Variants in FLRT1 observed in about 807,000 individuals in gnomAD.
The protein encoded by FLRT1 is leucine-rich repeat transmembrane protein FLRT1.
A neutral mutation model predicts 30.9 loss-of-function variants in FLRT1; 14 were observed. The ratio of observed to expected loss-of-function variants is 0.45; its 90% CI spans 0.30 to 0.71. FLRT1 has a LOEUF of 0.71. Ranked by LOEUF, FLRT1 falls within the 30% of genes least tolerant of loss-of-function variation. The pLI is 0.08. For synonymous variants in FLRT1, 368 were observed against 430.4 expected (o/e 0.85, Z 1.80); for missense variants, 737 against 949.2 (o/e 0.78, Z 2.94).
chr11:64,076,597 T>C (rs574014449), intron 1 of FLRT1, among the ~76,000 whole-genome samples: 19 of 152,292 alleles, frequency 1.2e-4, no homozygotes, highest in African/African-American at 4.3e-4. Context: ...AACAGCCTTA[T>C]TGGACAGATA....
rs1295348285 is a variant in FLRT1, at chr11:64,096,339, T to C, written c.-1037-6855T>C. On this transcript the variant is annotated intron_variant, in intron 1 of 2. Coordinates refer to ENST00000682287, the MANE Select transcript of FLRT1 (RefSeq NM_013280.5). This position sits in a 1 kb window ranked among gnomAD's most constrained non-coding sequence, Gnocchi z 4.6. ...CGAGCTTCCTCTAGGCTGGACACGG[T>C]CCCTAATGGGCACGGGCGACGCATT... 1.3e-5 allele frequency among the ~76,000 whole-genome samples: 2 copies of C among 151,834 alleles called. No individual in the cohort carries two copies. Among genetic ancestry groups the C allele is most frequent in the Non-Finnish European group, 2.9e-5 (2 of 67,992 alleles).
chr11:64,047,913 AAAG>A (rs1157437252), intron 1 of FLRT1, among the ~76,000 whole-genome samples: 3 of 151,546 alleles, frequency 2.0e-5, no homozygotes, highest in African/African-American at 7.3e-5. Flanking sequence ...AAAAAAAAAA[AAAG>A]GAAGGAAGCA....
chr11:64,076,664 C>T (rs1944207631), intron 1 of FLRT1, among the ~76,000 whole-genome samples: 1 of 152,172 alleles, frequency 6.6e-6, no homozygotes, highest in Non-Finnish European at 1.5e-5. Context: ...GAGACGAAAT[C>T]GCCTAAGAAC....
chr11:64,065,983 A>G (rs1355176018), intron 1 of FLRT1, among the ~76,000 whole-genome samples: 1 of 151,928 alleles, frequency 6.6e-6, no homozygotes, highest in Non-Finnish European at 1.5e-5. Flanking sequence ...GACAAAAAGA[A>G]GCTTGCCAAG....
intron 1 of FLRT1, among the ~76,000 whole-genome samples, chr11:64,098,402 C>T (rs2134548526): frequency 6.6e-6 from 1 of 152,354 alleles, no homozygotes; most frequent in South Asian, 2.1e-4. Flanking sequence ...AAATGTTCTT[C>T]CCGTCCCACT....
At chr11:64,051,322 G>A (rs543180622) in intron 1 of FLRT1, among the ~76,000 whole-genome samples, 23 of 152,304 alleles carry the variant, frequency 1.5e-4, no homozygotes, top group African/African-American at 2.9e-4. Flanking sequence ...CTGCCTTGAC[G>A]GCCCTCTGGG....
chr11:64,066,443 G>A (rs756994675), intron 1 of FLRT1, among the ~76,000 whole-genome samples: 5 of 150,538 alleles, frequency 3.3e-5, no homozygotes, highest in Admixed American at 6.6e-5. Context: ...CAAGAACCCC[G>A]CTATCTCTAC....
intron 1 of FLRT1, among the ~76,000 whole-genome samples, chr11:64,065,663 G>A (rs1354602054): frequency 6.6e-6 from 1 of 151,976 alleles, no homozygotes; most frequent in Non-Finnish European, 1.5e-5. Context: ...GGTGGCGGCC[G>A]CCTGTAGTCC....
chr11:64,074,825 G>A (rs537603297), intron 1 of FLRT1, among the ~76,000 whole-genome samples: 1 of 152,334 alleles, frequency 6.6e-6, no homozygotes, highest in East Asian at 1.9e-4. Flanking sequence ...TTGGGGTGGG[G>A]AAGCCTGTGG....
At chr11:64,069,301 G>A (rs1944062744) in intron 1 of FLRT1, among the ~76,000 whole-genome samples, 3 of 152,216 alleles carry the variant, frequency 2.0e-5, no homozygotes, top group African/African-American at 7.2e-5. Flanking sequence ...TGCCAGGCCT[G>A]GATGAGGCAC....
At position 64,064,635 on chromosome 11, in the gene FLRT1, G is replaced by A. The variant is rs1230162946; in HGVS notation, c.-1038+28476G>A. Among the ~76,000 whole-genome samples, 9 of 151,144 alleles carry A rather than the reference G, an allele frequency of 6.0e-5. No individual in the cohort carries two copies. Reference sequence around the variant, plus strand: ...AATGTATCCTGACAGCATTGGAACAGGATGCAGAGTAGGGGCCTCTGGCAG... The same window carrying A: ...AATGTATCCTGACAGCATTGGAACAAGATGCAGAGTAGGGGCCTCTGGCAG... On this transcript the variant is annotated intron_variant, in intron 1 of 2. Coordinates refer to ENST00000682287, the MANE Select transcript of FLRT1 (RefSeq NM_013280.5). This position sits in a 1 kb window ranked among gnomAD's most constrained non-coding sequence, Gnocchi z 4.5.
chr11:64,048,737 A>G (rs1291729784), intron 1 of FLRT1, among the ~76,000 whole-genome samples: 1 of 152,182 alleles, frequency 6.6e-6, no homozygotes, highest in African/African-American at 2.4e-5. Context: ...CAGGGTTAGG[A>G]AATTCAACCC....
chr11:64,117,075 G>C lies in FLRT1; in HGVS notation c.808G>C (p.Ala270Pro). The C allele has an allele frequency of 6.2e-7, 1 of 1,601,966 alleles. No homozygotes were observed. The highest frequency in any genetic ancestry group is 8.5e-7 in the Non-Finnish European group (1 of 1,174,518). The change falls in exon 3 of 3, where the codon GCC becomes CCC. Residue 270 changes from alanine (A) to proline (P), a missense_variant. Coordinates refer to ENST00000682287, the MANE Select transcript of FLRT1 (RefSeq NM_013280.5). ...CGCGCCACCCCTCAACCTGCCCAGCGCCCACCTGCAGAAGCTCTACCTGCA... is the reference window on the plus strand; with the variant it reads ...CGCGCCACCCCTCAACCTGCCCAGCCCCCACCTGCAGAAGCTCTACCTGCA... The part of the protein sequence containing the change: ...LAAPPLNLPS[A>P]HLQKLYLQDN...
At chr11:64,116,150 T>C in intron 2 of FLRT1, 69 bp from the exon 3 acceptor site, 10 of 1,446,356 alleles carry the variant, frequency 6.9e-6, no homozygotes, top group East Asian at 2.3e-5. Context: ...TGGGAGGGAA[T>C]GCACGATTCA....
At chr11:64,095,189 C>T (rs1199105487) in intron 1 of FLRT1, among the ~76,000 whole-genome samples, 1 of 152,216 alleles carries the variant, frequency 6.6e-6, no homozygotes, top group South Asian at 2.1e-4. Context: ...GGCTTGCTTG[C>T]TTTATTTATT....
chr11:64,039,987 T>C (rs1386222556), intron 1 of FLRT1, among the ~76,000 whole-genome samples: 1 of 152,218 alleles, frequency 6.6e-6, no homozygotes, highest in East Asian at 1.9e-4. Context: ...CCCTGGCTCT[T>C]CTGTTTTCCC....
chr11:64,104,716 T>C (rs909661043), intron 2 of FLRT1, among the ~76,000 whole-genome samples: 3 of 152,298 alleles, frequency 2.0e-5, no homozygotes, highest in Middle Eastern at 6.8e-3. Context: ...CCTGCTCCTG[T>C]TGGCCCTTGG....
chr11:64,111,796 C>T (rs1944867644), intron 2 of FLRT1, among the ~76,000 whole-genome samples: 1 of 152,228 alleles, frequency 6.6e-6, no homozygotes, highest in Non-Finnish European at 1.5e-5. Flanking sequence ...GTGTCCTTCC[C>T]AGTCCCCAAT....
chr11:64,093,006 A>T (rs1377125749), intron 1 of FLRT1, among the ~76,000 whole-genome samples: 4 of 152,160 alleles, frequency 2.6e-5, no homozygotes, highest in Non-Finnish European at 5.9e-5. Flanking sequence ...GTCCCTGGCC[A>T]CACCGGAGTG....
Sources: allele counts gnomAD v4.1 joint callset (sites outside exome capture counted in the v4.1 genomes callset), GRCh38; gene constraint gnomAD v4.1.1; non-coding constraint Gnocchi (gnomAD v3.1); transcripts MANE v1.5; gene names NCBI Gene and HGNC (gene_info 2026-07-23, HGNC 2026-07-21).